Variants in CACNA1C observed in about 807,000 individuals in gnomAD.
The protein encoded by CACNA1C is calcium voltage-gated channel subunit alpha1 C.
CACNA1C carries 30 observed loss-of-function variants against 229.0 expected under a neutral mutation model. That is an observed-to-expected ratio of 0.13 (90% CI 0.10 to 0.18). The LOEUF (loss-of-function observed/expected upper bound fraction) is 0.18. Among genes scored for constraint, CACNA1C ranks in the 10% least tolerant of loss-of-function variants. CACNA1C has a pLI of 1.00. For missense variants in CACNA1C, 1,658 were observed against 2,845.0 expected, an observed-to-expected ratio of 0.58 and a Z score of 9.49; for synonymous variants, 1,114 against 1,132.5, an observed-to-expected ratio of 0.98 and a Z score of 0.33.
intron 29 of CACNA1C, chr12:2,614,227 G>A (rs1488105006): frequency 6.6e-6 from 1 of 152,232 alleles, no homozygotes; most frequent in African/African-American, 2.4e-5. Flanking sequence ...TTTCTATTGT[G>A]AGAAGATGGG....
chr12:2,142,188 G>A lies in CACNA1C; in HGVS notation c.477+21758G>A, dbSNP rs146935684. 8.5e-4 allele frequency among the ~76,000 whole-genome samples: 129 copies of A among 151,384 alleles called. 3 individuals carry two copies. The highest frequency in any genetic ancestry group is 2.8e-3 in the African/African-American group (118 of 41,476). The stretch of plus-strand genomic sequence containing the variant: ...CACCTCCCACCATCTCCCAAGGACC[G>A]TGTGGGGTGGATCATACAGTCAGGC... On this transcript the variant is annotated intron_variant, in intron 3 of 46. Coordinates refer to ENST00000399655, the MANE Select transcript of CACNA1C (RefSeq NM_000719.7).
intron 3 of CACNA1C, among the ~76,000 whole-genome samples, chr12:2,266,295 T>G (rs2082368436): frequency 6.6e-6 from 1 of 152,222 alleles, no homozygotes; most frequent in Admixed American, 6.5e-5. Flanking sequence ...CCTTGTTATT[T>G]TGATGGAGCT....
At chr12:2,141,063 G>A (rs2094129925) in intron 3 of CACNA1C, among the ~76,000 whole-genome samples, 1 of 151,112 alleles carries the variant, frequency 6.6e-6, no homozygotes, top group South Asian at 2.1e-4. Context: ...GCAGACCTGG[G>A]GAGGAGGCTG....
chr12:2,565,257 A>G (rs1056755132), intron 11 of CACNA1C, among the ~76,000 whole-genome samples: 13 of 151,526 alleles, frequency 8.6e-5, no homozygotes, highest in Non-Finnish European at 1.3e-4. Context: ...TCATGAGGTC[A>G]GGAGATCGAG....
intron 3 of CACNA1C, among the ~76,000 whole-genome samples, chr12:2,160,914 CAG>C (rs2095822221): frequency 6.6e-6 from 1 of 152,212 alleles, no homozygotes; most frequent in African/African-American, 2.4e-5. Flanking sequence ...CTCCGCCTCC[CAG>C]GTTCAAGCGA....
chr12:2,667,076 G>A (rs2153714966), intron 37 of CACNA1C, among the ~76,000 whole-genome samples: 1 of 152,266 alleles, frequency 6.6e-6, no homozygotes, highest in East Asian at 1.9e-4. Context: ...GAGGGGTTCG[G>A]CGTTCTTTTC....
intron 1 of CACNA1C, among the ~76,000 whole-genome samples, chr12:2,062,075 G>A (rs1343154560): frequency 1.3e-5 from 2 of 152,096 alleles, no homozygotes; most frequent in Admixed American, 6.5e-5. Flanking sequence ...TCGCACTTTC[G>A]CATTTGTTTG....
At chr12:2,128,712 G>T (rs1215598993) in intron 3 of CACNA1C, among the ~76,000 whole-genome samples, 1 of 152,102 alleles carries the variant, frequency 6.6e-6, no homozygotes, top group East Asian at 1.9e-4. Context: ...CGCCCGGCCA[G>T]GTAAATACAT....
At chr12:2,362,991 C>T (rs539223215) in intron 3 of CACNA1C, among the ~76,000 whole-genome samples, 2 of 152,352 alleles carry the variant, frequency 1.3e-5, no homozygotes, top group South Asian at 4.1e-4. Flanking sequence ...GTGGCCGTAA[C>T]AGGCTGTTAG....
At chr12:2,248,799 G>A (rs1276068572) in intron 3 of CACNA1C, among the ~76,000 whole-genome samples, 1 of 152,246 alleles carries the variant, frequency 6.6e-6, no homozygotes, top group Non-Finnish European at 1.5e-5. Context: ...GACGGACTTA[G>A]GTTCTATTAT....
Position 2,493,160 on chromosome 12 carries a change from C to T in CACNA1C, c.917-30C>T. 3 of 1,595,088 alleles carry T rather than the reference C, an allele frequency of 1.9e-6. No individual in the cohort carries two copies. Among genetic ancestry groups the T allele is most frequent in the Non-Finnish European group, 2.6e-6 (3 of 1,163,310 alleles). On this transcript the variant is annotated intron_variant, in intron 6 of 46. Transcript: ENST00000399655. The surrounding 1 kb of genome is among the most constrained non-coding windows in gnomAD (Gnocchi z 4.6). ...CCACATCTCTCCCTCCCTGCTGCTC[C>T]CGTCTCCTGTCTTCTTCTGGCCATT...
intron 1 of CACNA1C, among the ~76,000 whole-genome samples, chr12:1,976,489 G>A (rs1472454831): frequency 6.6e-6 from 1 of 152,066 alleles, no homozygotes; most frequent in Non-Finnish European, 1.5e-5. Context: ...TACCTATTCT[G>A]ACTAAATATG....
At position 2,398,177 on chromosome 12, in the gene CACNA1C, T is replaced by C. The variant is rs1253913697; in HGVS notation, c.478-50799T>C. Among the ~76,000 whole-genome samples, 3 of 152,258 alleles carry C rather than the reference T, an allele frequency of 2.0e-5. No homozygotes were observed. The East Asian group carries it at 5.8e-4, about 29-fold the overall frequency. On this transcript the variant is annotated intron_variant, in intron 3 of 46. Transcript: ENST00000399655. ...CACTCTTTTGATGCCATTATTTGCA[T>C]TTTCTGAGTTCCACTGTTCTTGGGC...
At chr12:2,231,294 C>T (rs1422297257) in intron 3 of CACNA1C, among the ~76,000 whole-genome samples, 1 of 152,208 alleles carries the variant, frequency 6.6e-6, no homozygotes, top group South Asian at 2.1e-4. Flanking sequence ...TCAGTAAATA[C>T]TAAATCATTT....
At chr12:2,589,580 C>A (rs2064191260) in intron 18 of CACNA1C, among the ~76,000 whole-genome samples, 1 of 152,190 alleles carries the variant, frequency 6.6e-6, no homozygotes. Context: ...GAGGGCAGGG[C>A]AGAAGGCGCA....
At position 1,986,055 on chromosome 12, in the gene CACNA1C, T is replaced by C. The variant is rs369985998; in HGVS notation, c.139+14854T>C. 2.5e-3 allele frequency among the ~76,000 whole-genome samples: 384 copies of C among 152,330 alleles called. 1 individual carries two copies. The highest frequency in any genetic ancestry group is 8.5e-3 in the African/African-American group (352 of 41,572). On this transcript the variant is annotated intron_variant, in intron 1 of 46. Transcript: ENST00000682462. ...GTCTCGATCTCCTGACCTCGTGATC[T>C]GCCCGCCTTGGCCTCCCAAAGTGCT...
chr12:2,292,008 C>G (rs933461981), intron 3 of CACNA1C, among the ~76,000 whole-genome samples: 1 of 152,208 alleles, frequency 6.6e-6, no homozygotes, highest in African/African-American at 2.4e-5. Context: ...TAATGACCTG[C>G]CCAGGTCTCA....
Position 2,677,237 on chromosome 12 carries a change from C to G in CACNA1C, c.4956+16C>G, listed in dbSNP as rs781417944. The G allele has an allele frequency of 5.6e-6, 9 of 1,611,980 alleles. No homozygotes were observed. Among genetic ancestry groups the G allele is most frequent in the Non-Finnish European group, 7.6e-6 (9 of 1,179,074 alleles). Reference sequence around the variant, plus strand: ...GTCTCTGCAGGTGAGGGCCTGGGGGCGGGCCCACACTCCAGGAAGGTCCTG... The same window carrying G: ...GTCTCTGCAGGTGAGGGCCTGGGGGGGGGCCCACACTCCAGGAAGGTCCTG... On this transcript the variant is annotated intron_variant, in intron 40 of 46. Coordinates refer to ENST00000399655, the MANE Select transcript of CACNA1C (RefSeq NM_000719.7). This position sits in a 1 kb window ranked among gnomAD's most constrained non-coding sequence, Gnocchi z 7.4.
At chr12:2,191,932 A>C (rs1043718222) in intron 3 of CACNA1C, among the ~76,000 whole-genome samples, 22 of 140,960 alleles carry the variant, frequency 1.6e-4, no homozygotes, top group African/African-American at 5.6e-4. Context: ...GCACACACCT[A>C]CACATGGACA....
Sources: gnomAD v4.1 joint callset for allele counts (sites outside exome capture counted in the v4.1 genomes callset) on GRCh38, gnomAD v4.1.1 for gene constraint, Gnocchi (gnomAD v3.1) non-coding constraint, MANE v1.5 for transcripts, NCBI Gene and HGNC (gene_info 2026-07-23, HGNC 2026-07-21) for gene names.